LINC00305: variants seen among roughly 807,000 people sequenced by gnomAD.
The protein encoded by LINC00305 is long independently transcribed non-coding RNA 305, also known as long intergenic non-protein coding RNA 305.
rs74405093 is a variant in LINC00305, at chr18:64,092,006, C to A, written n.540+5828G>T. 6.0e-3 allele frequency among the ~76,000 whole-genome samples: 912 copies of A among 152,292 alleles called. 8 individuals carry two copies. Among genetic ancestry groups the A allele is most frequent in the African/African-American group, 0.021 (865 of 41,550 alleles). The stretch of plus-strand genomic sequence containing the variant: ...AAACCACTCCTATGCACTGGGTGCA[C>A]TGAGGTATGAGAATAAAAATGGATT... On this transcript the variant is annotated intron_variant and non_coding_transcript_variant, in intron 3 of 3. Transcript: ENST00000666468.
intron 1 of LINC00305, among the ~76,000 whole-genome samples, chr18:64,146,482 T>C (rs1034452865): frequency 4.6e-5 from 7 of 152,194 alleles, no homozygotes; most frequent in African/African-American, 1.2e-4. Context: ...CAGGATGTTG[T>C]GGCAACCAGA....
intron 1 of LINC00305, among the ~76,000 whole-genome samples, chr18:64,128,225 T>C (rs892004308): frequency 3.9e-5 from 6 of 152,120 alleles, no homozygotes; most frequent in African/African-American, 1.2e-4. Context: ...GGAAGAGTGA[T>C]ATTTGCAAGA....
intron 3 of LINC00305, among the ~76,000 whole-genome samples, chr18:64,083,887 T>A (rs566592079): frequency 6.6e-6 from 1 of 152,310 alleles, no homozygotes; most frequent in Non-Finnish European, 1.5e-5. Context: ...CGAATGTCAT[T>A]ACCTAAGAAG....
intron 1 of LINC00305, among the ~76,000 whole-genome samples, chr18:64,108,067 T>C (rs929017914): frequency 6.6e-6 from 1 of 152,196 alleles, no homozygotes; most frequent in Non-Finnish European, 1.5e-5. Context: ...CACAGAATTA[T>C]ACATCCAGGT....
chr18:64,083,237 T>C (rs1193394439), intron 3 of LINC00305, among the ~76,000 whole-genome samples: 2 of 152,160 alleles, frequency 1.3e-5, no homozygotes, highest in African/African-American at 2.4e-5. Flanking sequence ...ACAGGAGCTA[T>C]GGAGGAGCTC....
chr18:64,098,885 G>A (rs1370849711), intron 1 of LINC00305, among the ~76,000 whole-genome samples: 1 of 152,136 alleles, frequency 6.6e-6, no homozygotes, highest in Non-Finnish European at 1.5e-5. Context: ...ATATTGGGTA[G>A]GGTCAAGGCA....
At chr18:64,147,094 T>C (rs1467250468) in intron 1 of LINC00305, 1 of 152,230 alleles carries the variant, frequency 6.6e-6, no homozygotes, top group Non-Finnish European at 1.5e-5. Flanking sequence ...TAGCATTTAC[T>C]TGAGGTCCAG....
rs147044594 is a variant in LINC00305, at chr18:64,087,992, G to A, written n.541-7590C>T. ...ACAAATATTAGCCAGGCGTGGTGGC[G>A]GGCGCCTGTAGTCCCAGCTACCTGG... On this transcript the variant is annotated intron_variant and non_coding_transcript_variant, in intron 3 of 3. Transcript: ENST00000666468. 3.7e-3 allele frequency among the ~76,000 whole-genome samples: 568 copies of A among 152,138 alleles called. 3 individuals carry two copies. The highest frequency in any genetic ancestry group is 0.013 in the African/African-American group (519 of 41,506).
intron 1 of LINC00305, among the ~76,000 whole-genome samples, chr18:64,139,180 T>A (rs141653998): frequency 4.7e-4 from 72 of 152,314 alleles, no homozygotes; most frequent in African/African-American, 1.5e-3. Flanking sequence ...CAATTCTTAA[T>A]CTCCTGAAAA....
At chr18:64,115,143 G>A (rs955024545) in intron 1 of LINC00305, among the ~76,000 whole-genome samples, 1 of 152,196 alleles carries the variant, frequency 6.6e-6, no homozygotes, top group Admixed American at 6.5e-5. Context: ...ACTCATCTCC[G>A]CCTTATCTTC....
At chr18:64,095,041 C>T (rs536535634) in intron 3 of LINC00305, among the ~76,000 whole-genome samples, 3 of 152,110 alleles carry the variant, frequency 2.0e-5, no homozygotes, top group Admixed American at 1.3e-4. Context: ...TTAGCCTTGA[C>T]TGATCATGGT....
chr18:64,104,506 C>A (rs1238721252), intron 1 of LINC00305, among the ~76,000 whole-genome samples: 4 of 152,192 alleles, frequency 2.6e-5, no homozygotes, highest in African/African-American at 9.7e-5. Context: ...ACCATTCTTG[C>A]CTTCACGTGC....
chr18:64,139,918 T>G (rs1336474784), intron 1 of LINC00305, among the ~76,000 whole-genome samples: 1 of 152,156 alleles, frequency 6.6e-6, no homozygotes, highest in Non-Finnish European at 1.5e-5. Flanking sequence ...GGCCTTAGGA[T>G]GACCCTCACA....
intron 1 of LINC00305, among the ~76,000 whole-genome samples, chr18:64,106,017 T>C (rs568050168): frequency 5.9e-5 from 9 of 152,366 alleles, no homozygotes; most frequent in African/African-American, 2.2e-4. Context: ...TTGTTTCCAA[T>C]GACATTCTGG....
chr18:64,089,228 G>A (rs2051215855), intron 3 of LINC00305, among the ~76,000 whole-genome samples: 1 of 152,164 alleles, frequency 6.6e-6, no homozygotes, highest in African/African-American at 2.4e-5. Flanking sequence ...TAGTGGGTAA[G>A]TCTCATTAGA....
chr18:64,124,931 CT>C (rs2051378372), intron 1 of LINC00305, among the ~76,000 whole-genome samples: 1 of 152,052 alleles, frequency 6.6e-6, no homozygotes, highest in Admixed American at 6.6e-5. Flanking sequence ...TCTTTTTGCT[CT>C]GAATTAATTT....
At chr18:64,097,276 G>T (rs1186368270) in intron 3 of LINC00305, among the ~76,000 whole-genome samples, 1 of 151,960 alleles carries the variant, frequency 6.6e-6, no homozygotes, top group South Asian at 2.1e-4. Context: ...AAATCTATTT[G>T]TATATTTTCA....
chr18:64,139,903 C>G (rs2144277104), intron 1 of LINC00305, among the ~76,000 whole-genome samples: 1 of 152,282 alleles, frequency 6.6e-6, no homozygotes, highest in South Asian at 2.1e-4. Context: ...CAGAATATAG[C>G]TAAAGGCCTT....
At chr18:64,140,580 T>G (rs913337023) in intron 1 of LINC00305, among the ~76,000 whole-genome samples, 3 of 152,138 alleles carry the variant, frequency 2.0e-5, no homozygotes, top group Admixed American at 1.3e-4. Flanking sequence ...TCTCCCCAAC[T>G]AAAATGAACG....
Sources: gnomAD v4.1 joint callset for allele counts (sites outside exome capture counted in the v4.1 genomes callset) on GRCh38, gnomAD v4.1.1 for gene constraint, MANE v1.5 for transcripts, NCBI Gene and HGNC (gene_info 2026-07-23, HGNC 2026-07-21) for gene names.